MTFR1: variants seen among roughly 807,000 people sequenced by gnomAD.
MTFR1 encodes the protein mitochondrial fission regulator 1, also known as chondrocyte protein with a poly-proline region.
MTFR1 carries 28 observed loss-of-function variants against 38.8 expected under a neutral mutation model. The observed-to-expected ratio is 0.72, with a 90% confidence interval of 0.53 to 0.99. The LOEUF (loss-of-function observed/expected upper bound fraction) is 0.99. Ranked by LOEUF, MTFR1 falls within the 50% of genes least tolerant of loss-of-function variation. MTFR1 has a pLI of 0.00. For synonymous variants in MTFR1, 145 were observed against 137.0 expected (o/e 1.06, Z -0.41); for missense variants, 358 against 395.5 (o/e 0.91, Z 0.81).
chr8:65,776,882 G>GA, the MTFR1 span, among the ~76,000 whole-genome samples: 1 of 151,954 alleles, frequency 6.6e-6, no homozygotes, highest in Non-Finnish European at 1.5e-5. Flanking sequence ...CAGAACCTCT[G>GA]AAACAATACT....
chr8:65,744,769 C>G (rs1807596672), intron 3 of MTFR1, among the ~76,000 whole-genome samples: 1 of 152,198 alleles, frequency 6.6e-6, no homozygotes, highest in South Asian at 2.1e-4. Context: ...TTAATAATAG[C>G]AGCGGCAATT....
At chr8:65,686,704 C>T (rs988080900) in intron 3 of MTFR1, among the ~76,000 whole-genome samples, 5 of 151,982 alleles carry the variant, frequency 3.3e-5, no homozygotes, top group African/African-American at 9.6e-5. Context: ...GGGCGGATCA[C>T]CTGAGGTCAG....
At chr8:65,670,780 C>T (rs920442387) in intron 2 of MTFR1, among the ~76,000 whole-genome samples, 9 of 151,446 alleles carry the variant, frequency 5.9e-5, no homozygotes, top group African/African-American at 1.5e-4. Flanking sequence ...TCTCGGCTCA[C>T]TGCAACCTCT....
chr8:65,777,397 T>C, the MTFR1 span, among the ~76,000 whole-genome samples: 3 of 151,972 alleles, frequency 2.0e-5, no homozygotes, highest in Non-Finnish European at 4.4e-5. Context: ...ATTAATATAG[T>C]GAATTACACT....
At chr8:65,669,231 A>G (rs1804489981) in intron 1 of MTFR1, among the ~76,000 whole-genome samples, 1 of 152,296 alleles carries the variant, frequency 6.6e-6, no homozygotes, top group African/African-American at 2.4e-5. Flanking sequence ...AGTTGGGGAC[A>G]TGGAAAAGGA....
At chr8:65,677,938 C>G (rs1182960883) in intron 2 of MTFR1, among the ~76,000 whole-genome samples, 3 of 150,914 alleles carry the variant, frequency 2.0e-5, no homozygotes, top group African/African-American at 7.3e-5. Flanking sequence ...ATTGCTTGAA[C>G]CTGGGAGGCA....
intron 4 of MTFR1, among the ~76,000 whole-genome samples, chr8:65,698,529 C>T (rs1478048337): frequency 6.6e-6 from 1 of 151,906 alleles, no homozygotes; most frequent in Non-Finnish European, 1.5e-5. Flanking sequence ...TTCCAAACTC[C>T]AAATTTTTTA....
intron 1 of MTFR1, among the ~76,000 whole-genome samples, chr8:65,661,564 G>T (rs982797122): frequency 6.6e-6 from 1 of 152,096 alleles, no homozygotes; most frequent in South Asian, 2.1e-4. Context: ...CTGGGACGGG[G>T]GTTGCAGTGA....
chr8:65,777,732 A>G, the MTFR1 span, among the ~76,000 whole-genome samples: 1 of 152,064 alleles, frequency 6.6e-6, no homozygotes, highest in African/African-American at 2.4e-5. Flanking sequence ...CTACCTTTTT[A>G]GTTTCTGTGG....
chr8:65,651,670 T>G (rs1168168376), intron 1 of MTFR1, among the ~76,000 whole-genome samples: 2 of 152,162 alleles, frequency 1.3e-5, no homozygotes, highest in Non-Finnish European at 2.9e-5. Flanking sequence ...TGTCTGTTTT[T>G]ATGCTACGAC....
chr8:65,672,513 C>A (rs1343267930), intron 2 of MTFR1, among the ~76,000 whole-genome samples: 1 of 149,942 alleles, frequency 6.7e-6, no homozygotes, highest in Non-Finnish European at 1.5e-5. Context: ...TACAGTGAAT[C>A]ACTTTTTTTT....
intron 4 of MTFR1, among the ~76,000 whole-genome samples, chr8:65,703,509 C>T (rs112584584): frequency 0.17 from 22,453 of 135,436 alleles, 2,295 homozygotes; most frequent in Non-Finnish European, 0.24. Context: ...TCTCGGCTCA[C>T]TGCAACTGCC....
At position 65,704,650 on chromosome 8, in the gene MTFR1, C is replaced by G. The variant is rs1205238259; in HGVS notation, c.282-44C>G. 2.0e-6 allele frequency: 3 copies of G among 1,536,908 alleles called. No homozygotes were observed. In the African/African-American group the frequency reaches 4.1e-5, roughly 21 times the overall value. On this transcript the variant is annotated intron_variant, in intron 4 of 7. Transcript: ENST00000262146. ...TCAGGTGAGGATGGTGTTTCACGTT[C>G]TCTTACAAAGCCTGTGACAGCCCAC...
intron 3 of MTFR1, among the ~76,000 whole-genome samples, chr8:65,720,908 A>C (rs16932314): frequency 0.12 from 18,009 of 152,188 alleles, 2,005 homozygotes; most frequent in East Asian, 0.52. Context: ...GGAGTTATCT[A>C]CCCACATGGC....
intron 2 of MTFR1, among the ~76,000 whole-genome samples, chr8:65,680,938 C>T (rs1170304881): frequency 1.5e-5 from 2 of 137,234 alleles, no homozygotes; most frequent in African/African-American, 5.4e-5. Flanking sequence ...CGGAGTCTCG[C>T]TCTGTCGCCC....
In MTFR1 at chr8:65,716,258, C is replaced by G. The variant is rs1040900756; in HGVS notation, c.382-3122C>G. Among the ~76,000 whole-genome samples the G allele has an allele frequency of 3.9e-5, 6 of 151,922 alleles. No homozygotes were observed. In the East Asian group the frequency reaches 9.7e-4, roughly 24 times the overall value. ...TGTAGGCAGGAAATGGGAGCCACAC[C>G]CACAGTTCCCCTGAGAATGTGGAAA... On this transcript the variant is annotated intron_variant, in intron 2 of 3. Transcript: ENST00000521247.
intron 3 of MTFR1, among the ~76,000 whole-genome samples, chr8:65,736,721 G>A (rs1028054754): frequency 6.6e-6 from 1 of 151,402 alleles, no homozygotes; most frequent in African/African-American, 2.4e-5. Flanking sequence ...CTGCACTCAA[G>A]CCTAGGTGAC....
intron 2 of MTFR1, among the ~76,000 whole-genome samples, chr8:65,716,485 A>G (rs1806149369): frequency 1.3e-5 from 2 of 152,102 alleles, no homozygotes; most frequent in Admixed American, 1.3e-4. Flanking sequence ...TTCCAGGGGA[A>G]GAGGGTACCC....
intron 4 of MTFR1, among the ~76,000 whole-genome samples, chr8:65,699,210 T>C (rs936738664): frequency 2.0e-5 from 3 of 152,232 alleles, no homozygotes; most frequent in African/African-American, 7.2e-5. Context: ...CCATGGTGTC[T>C]ATCTACCACA....
Sources: allele counts gnomAD v4.1 joint callset (sites outside exome capture counted in the v4.1 genomes callset), GRCh38; gene constraint gnomAD v4.1.1; transcripts MANE v1.5; gene names NCBI Gene and HGNC (gene_info 2026-07-23, HGNC 2026-07-21).